The following NEK7 variants were observed in gnomAD, a reference collection of about 807,000 sequenced individuals.
NEK7 encodes the protein NIMA related kinase 7.
In NEK7, 18 loss-of-function variants were observed where a neutral mutation model predicts 44.6. The observed-to-expected ratio is 0.40, with a 90% CI of 0.28 to 0.60. The LOEUF is 0.60. Ranked by LOEUF, NEK7 falls within the 20% of genes least tolerant of loss-of-function variation. NEK7 has a pLI of 0.38. For missense variants in NEK7, 256 were observed against 366.5 expected, an observed-to-expected ratio of 0.70 and a Z score of 2.46; for synonymous variants, 130 against 121.1, an observed-to-expected ratio of 1.07 and a Z score of -0.48.
chr1:198,315,037 C>CGCCACCT (rs1558108254), intron 9 of NEK7, among the ~76,000 whole-genome samples: 1 of 152,158 alleles, frequency 6.6e-6, no homozygotes, highest in South Asian at 2.1e-4. Flanking sequence ...CCAGCCTCGC[C>CGCCACCT]GCCACCTTGC....
At chr1:198,205,403 A>G (rs1303768203) in intron 1 of NEK7, among the ~76,000 whole-genome samples, 1 of 152,190 alleles carries the variant, frequency 6.6e-6, no homozygotes, top group Non-Finnish European at 1.5e-5. Flanking sequence ...ACAGAAATGT[A>G]GGTCCTACTT....
chr1:198,214,827 G>T (rs1265089368), intron 1 of NEK7, among the ~76,000 whole-genome samples: 1 of 152,082 alleles, frequency 6.6e-6, no homozygotes, highest in Non-Finnish European at 1.5e-5. Context: ...GAAGCCCAAA[G>T]AACTCCTGGG....
intron 1 of NEK7, chr1:198,197,861 A>G (rs1300938589): frequency 1.1e-5 from 10 of 930,448 alleles, no homozygotes; most frequent in Non-Finnish European, 1.8e-5. Context: ...AGCTTTCTTC[A>G]TTTTCATCTG....
chr1:198,302,576 T>A (rs1654921702), intron 9 of NEK7, among the ~76,000 whole-genome samples: 2 of 152,162 alleles, frequency 1.3e-5, no homozygotes, highest in Non-Finnish European at 2.9e-5. Flanking sequence ...AGTACAGGTA[T>A]TTTTTCCTAT....
intron 5 of NEK7, among the ~76,000 whole-genome samples, chr1:198,266,281 G>A (rs766522418): frequency 4.6e-5 from 7 of 151,972 alleles, no homozygotes; most frequent in Admixed American, 1.3e-4. Flanking sequence ...AAACATTGCC[G>A]AGTAAGAGTA....
intron 1 of NEK7, among the ~76,000 whole-genome samples, chr1:198,188,017 C>A (rs757385275): frequency 1.3e-5 from 2 of 152,178 alleles, no homozygotes; most frequent in African/African-American, 4.8e-5. Context: ...CAACCAGCTA[C>A]CTGCTTCAGG....
intron 1 of NEK7, among the ~76,000 whole-genome samples, chr1:198,171,215 T>C (rs753088370): frequency 1.6e-4 from 24 of 152,258 alleles, no homozygotes; most frequent in Non-Finnish European, 2.5e-4. Flanking sequence ...GAACCCTCTG[T>C]AATGTCTTCT....
intron 9 of NEK7, among the ~76,000 whole-genome samples, chr1:198,310,964 A>G (rs1228140279): frequency 6.7e-6 from 1 of 148,800 alleles, no homozygotes; most frequent in South Asian, 2.2e-4. Context: ...GTTTTTTCCA[A>G]TTCTGTGAAG....
intron 1 of NEK7, among the ~76,000 whole-genome samples, chr1:198,198,659 C>T (rs949131553): frequency 1.3e-5 from 2 of 152,128 alleles, no homozygotes; most frequent in Non-Finnish European, 2.9e-5. Context: ...ATAATTAAAT[C>T]CTTGGCCTGA....
intron 2 of NEK7, among the ~76,000 whole-genome samples, chr1:198,249,962 T>C (rs1652873902): frequency 6.8e-6 from 1 of 146,394 alleles, no homozygotes; most frequent in Non-Finnish European, 1.5e-5. Flanking sequence ...CCCATGCCTA[T>C]GTCCTGAATG....
intron 1 of NEK7, among the ~76,000 whole-genome samples, chr1:198,210,851 C>T (rs1011950506): frequency 1.4e-5 from 2 of 141,534 alleles, no homozygotes; most frequent in African/African-American, 5.2e-5. Context: ...CTCCCGGGTT[C>T]ACGCCATTCT....
chr1:198,217,840 T>TAAAAAAAAAAA (rs35485996), intron 1 of NEK7, among the ~76,000 whole-genome samples: 2 of 107,252 alleles, frequency 1.9e-5, no homozygotes, highest in African/African-American at 3.0e-5. Context: ...ACAATAGCTA[T>TAAAAAAAAAAA]AAAAAAAAAA....
chr1:198,317,433 G>T (rs1452078123), intron 9 of NEK7, among the ~76,000 whole-genome samples: 1 of 152,092 alleles, frequency 6.6e-6, no homozygotes, highest in African/African-American at 2.4e-5. Context: ...CCCAATTCTT[G>T]TCTTTTTACT....
intron 1 of NEK7, among the ~76,000 whole-genome samples, chr1:198,218,825 A>G (rs1204053206): frequency 6.6e-6 from 1 of 152,028 alleles, no homozygotes; most frequent in Non-Finnish European, 1.5e-5. Context: ...ATCACTTATC[A>G]TCAGGAAAAT....
At chr1:198,313,033 G>T (rs1655240371) in intron 9 of NEK7, among the ~76,000 whole-genome samples, 2 of 151,922 alleles carry the variant, frequency 1.3e-5, no homozygotes, top group Admixed American at 1.3e-4. Flanking sequence ...AATGTTGACA[G>T]TGGGGTGTTA....
chr1:198,293,871 A>G (rs1234789206), intron 8 of NEK7, among the ~76,000 whole-genome samples: 1 of 151,904 alleles, frequency 6.6e-6, no homozygotes, highest in African/African-American at 2.4e-5. Flanking sequence ...TGTAGGAATC[A>G]TTTTCATATC....
At chr1:198,189,993 T>C (rs1385068238) in intron 1 of NEK7, among the ~76,000 whole-genome samples, 1 of 152,162 alleles carries the variant, frequency 6.6e-6, no homozygotes, top group Non-Finnish European at 1.5e-5. Context: ...AGGCAAATGT[T>C]AAGAATGCAA....
chr1:198,179,812 T>A (rs1664707560), intron 1 of NEK7, among the ~76,000 whole-genome samples: 1 of 133,278 alleles, frequency 7.5e-6, no homozygotes, highest in Non-Finnish European at 1.7e-5. Flanking sequence ...TGTGTGTGTG[T>A]GTATGTATGT....
intron 1 of NEK7, among the ~76,000 whole-genome samples, chr1:198,227,570 G>A (rs1361034115): frequency 1.3e-5 from 2 of 152,172 alleles, no homozygotes; most frequent in East Asian, 3.9e-4. Flanking sequence ...TCTAACTGGT[G>A]TGAGATGGTA....
Sources: allele counts gnomAD v4.1 joint callset (sites outside exome capture counted in the v4.1 genomes callset), GRCh38; gene constraint gnomAD v4.1.1; transcripts MANE v1.5; gene names NCBI Gene and HGNC (gene_info 2026-07-23, HGNC 2026-07-21).